ADAMTSL3: variants seen among roughly 807,000 people sequenced by gnomAD.
The protein encoded by ADAMTSL3 is ADAMTS like 3, also known as ADAMTS-like protein 3.
ADAMTSL3 carries 128 observed loss-of-function variants against 201.7 expected under a neutral mutation model. The ratio of observed to expected loss-of-function variants is 0.63; its 90% CI spans 0.55 to 0.73. The LOEUF (loss-of-function observed/expected upper bound fraction) is 0.73. ADAMTSL3 is among the 30% of genes least tolerant of loss of function. The pLI is 0.00. For synonymous variants in ADAMTSL3, 738 were observed against 748.4 expected, an observed-to-expected ratio of 0.99 and a Z score of 0.23; for missense variants, 1,990 against 2,119.6, an observed-to-expected ratio of 0.94 and a Z score of 1.20.
intron 4 of ADAMTSL3, among the ~76,000 whole-genome samples, chr15:83,779,423 G>T (rs1462360213): frequency 6.6e-6 from 1 of 152,064 alleles, no homozygotes. Flanking sequence ...TCTCGGCTGG[G>T]TGCAGTGGCT....
chr15:83,732,390 A>G (rs2062293268), intron 3 of ADAMTSL3, among the ~76,000 whole-genome samples: 1 of 152,136 alleles, frequency 6.6e-6, no homozygotes, highest in South Asian at 2.1e-4. Context: ...GTGAGTCAAC[A>G]CTGTATATTT....
At chr15:83,655,247 A>G (rs543108782) in intron 1 of ADAMTSL3, among the ~76,000 whole-genome samples, 12 of 152,196 alleles carry the variant, frequency 7.9e-5, no homozygotes, top group Non-Finnish European at 1.5e-4. Flanking sequence ...CTAGCGAGGA[A>G]AGCCTTGAAC....
intron 23 of ADAMTSL3, among the ~76,000 whole-genome samples, chr15:83,994,016 T>C: frequency 6.6e-6 from 1 of 152,362 alleles, no homozygotes; most frequent in East Asian, 1.9e-4. Flanking sequence ...TAAAGTGTTT[T>C]GTTGTGTGTC....
chr15:83,998,954 C>T (rs887928409), intron 23 of ADAMTSL3, among the ~76,000 whole-genome samples: 3 of 152,232 alleles, frequency 2.0e-5, no homozygotes, highest in Admixed American at 1.3e-4. Context: ...GTTCCGAACC[C>T]AGTTACTGCC....
At chr15:83,880,767 G>C (rs2065254169) in intron 9 of ADAMTSL3, among the ~76,000 whole-genome samples, 1 of 152,194 alleles carries the variant, frequency 6.6e-6, no homozygotes, top group Non-Finnish European at 1.5e-5. Flanking sequence ...AATAGCATAA[G>C]GTGTTGCTAG....
intron 21 of ADAMTSL3, among the ~76,000 whole-genome samples, chr15:83,986,392 G>A (rs993917043): frequency 6.6e-5 from 10 of 152,122 alleles, no homozygotes; most frequent in African/African-American, 2.4e-4. Context: ...AAGTTTATCA[G>A]GCTGAGACCC....
intron 12 of ADAMTSL3, 42 bp from the exon 13 acceptor site, chr15:83,892,642 A>C: frequency 1.3e-6 from 2 of 1,551,080 alleles, no homozygotes; most frequent in Non-Finnish European, 1.7e-6. Flanking sequence ...ACTTCAAACA[A>C]ACAACAAATA....
At chr15:83,878,884 CT>C (rs916342415) in intron 9 of ADAMTSL3, among the ~76,000 whole-genome samples, 2 of 150,808 alleles carry the variant, frequency 1.3e-5, no homozygotes, top group African/African-American at 2.4e-5. Flanking sequence ...CGTTTGATGC[CT>C]TTTTTTTTCT....
At chr15:83,683,994 G>T (rs1315183204) in intron 2 of ADAMTSL3, among the ~76,000 whole-genome samples, 1 of 152,044 alleles carries the variant, frequency 6.6e-6, no homozygotes, top group Non-Finnish European at 1.5e-5. Context: ...AGTATTTTAG[G>T]CCATACATAT....
At chr15:84,019,330 C>T (rs368205472) in intron 25 of ADAMTSL3, among the ~76,000 whole-genome samples, 6 of 151,986 alleles carry the variant, frequency 3.9e-5, no homozygotes, top group Admixed American at 6.5e-5. Flanking sequence ...CTTTGGAAGA[C>T]GATTTAGCAG....
At chr15:83,782,523 G>A (rs1002803310) in intron 4 of ADAMTSL3, among the ~76,000 whole-genome samples, 1 of 152,056 alleles carries the variant, frequency 6.6e-6, no homozygotes, top group African/African-American at 2.4e-5. Context: ...TGGTACATAT[G>A]CCCTGGAATA....
intron 27 of ADAMTSL3, among the ~76,000 whole-genome samples, chr15:84,028,715 T>A (rs990006328): frequency 1.1e-4 from 16 of 152,150 alleles, no homozygotes; most frequent in Admixed American, 1.0e-3. Flanking sequence ...GAAAGGAGGG[T>A]GATATGGTTA....
chr15:83,727,889 A>G (rs1399477824), intron 3 of ADAMTSL3, among the ~76,000 whole-genome samples: 1 of 152,166 alleles, frequency 6.6e-6, no homozygotes, highest in South Asian at 2.1e-4. Context: ...CATTTGGTCT[A>G]TAGTGCAGAT....
intron 4 of ADAMTSL3, among the ~76,000 whole-genome samples, chr15:83,776,669 A>T (rs1268115479): frequency 6.6e-6 from 1 of 152,104 alleles, no homozygotes; most frequent in Non-Finnish European, 1.5e-5. Flanking sequence ...GTGAGCTGAG[A>T]TTGCGCCATT....
rs933176892 is a variant in ADAMTSL3 at position 84,013,732 on chromosome 15, C to T, written c.3974-810C>T. On this transcript the variant is annotated intron_variant, in intron 23 of 29. Coordinates refer to ENST00000286744, the MANE Select transcript of ADAMTSL3 (RefSeq NM_207517.3). The stretch of plus-strand genomic sequence containing the variant: ...GCAGTGAGCCAAGATTGTGCCACTG[C>T]ACTCCAGGCTAGGTGACAGAGGGAG... Among the ~76,000 whole-genome samples, 2 of 152,212 alleles carry T rather than the reference C, an allele frequency of 1.3e-5. 1 individual carries two copies. The highest frequency in any genetic ancestry group is 4.1e-4 in the South Asian group (2 of 4,836).
chr15:83,708,293 G>A (rs1254998206), intron 3 of ADAMTSL3, among the ~76,000 whole-genome samples: 1 of 152,212 alleles, frequency 6.6e-6, no homozygotes, highest in Admixed American at 6.5e-5. Flanking sequence ...ATGGTGTGTA[G>A]ATATTTGCTG....
At chr15:83,674,939 T>G (rs2141403535) in intron 2 of ADAMTSL3, among the ~76,000 whole-genome samples, 1 of 151,656 alleles carries the variant, frequency 6.6e-6, no homozygotes, top group Admixed American at 6.6e-5. Flanking sequence ...TATCATAATG[T>G]TTTGTAAAAT....
intron 23 of ADAMTSL3, among the ~76,000 whole-genome samples, chr15:83,996,831 T>G (rs1239120536): frequency 7.3e-6 from 1 of 137,812 alleles, no homozygotes; most frequent in Non-Finnish European, 1.6e-5. Flanking sequence ...GAACAGGCAA[T>G]TGTCAGAAAG....
intron 4 of ADAMTSL3, among the ~76,000 whole-genome samples, chr15:83,799,496 A>G (rs1014512478): frequency 9.2e-5 from 14 of 152,156 alleles, no homozygotes; most frequent in African/African-American, 3.4e-4. Flanking sequence ...GTTTAAGTTA[A>G]CTACTATTTT....
Sources: allele counts gnomAD v4.1 joint callset (sites outside exome capture counted in the v4.1 genomes callset), GRCh38; gene constraint gnomAD v4.1.1; transcripts MANE v1.5; gene names NCBI Gene and HGNC (gene_info 2026-07-23, HGNC 2026-07-21).